The following MMS22L variants were observed in gnomAD, a reference collection of about 807,000 sequenced individuals.
MMS22L encodes the protein MMS22 like, DNA repair protein, also known as protein MMS22-like.
A neutral mutation model predicts 159.1 loss-of-function variants in MMS22L; 74 were observed. The ratio of observed to expected loss-of-function variants is 0.47; its 90% CI spans 0.39 to 0.56. The LOEUF (loss-of-function observed/expected upper bound fraction) is 0.56, where lower values mean the gene tolerates loss of function less well. Ranked by LOEUF, MMS22L falls within the 20% of genes least tolerant of loss-of-function variation. The probability of loss-of-function intolerance (pLI) is 0.00; values close to 1 mark genes in which losing one functional copy is unlikely to be tolerated. For missense variants in MMS22L, 1,351 were observed against 1,422.1 expected (o/e 0.95, Z 0.80); for synonymous variants, 517 against 506.9 (o/e 1.02, Z -0.27).
intron 13 of MMS22L, chr6:97,230,614 A>G (rs1445808558): frequency 6.6e-6 from 1 of 152,098 alleles, no homozygotes; most frequent in Non-Finnish European, 1.5e-5. Context: ...AACTCCAATG[A>G]CTTCTTTTAG....
chr6:97,241,033 C>G (rs1408965451), intron 11 of MMS22L, among the ~76,000 whole-genome samples: 1 of 152,218 alleles, frequency 6.6e-6, no homozygotes, highest in Non-Finnish European at 1.5e-5. Context: ...CATAGCTTAC[C>G]TCCAAGTTAA....
chr6:97,269,750 T>A, intron 7 of MMS22L, 152 bp downstream of exon 7: 2 of 567,862 alleles, frequency 3.5e-6, no homozygotes, highest in South Asian at 5.2e-5. Context: ...AATAGTTATC[T>A]CTGGAAAGAA....
chr6:97,168,220 C>A lies in MMS22L; in HGVS notation c.2860G>T (p.Ala954Ser), dbSNP rs1803175419. The change falls in exon 20 of 25, where the codon GCA becomes TCA. Residue 954 changes from alanine to serine, a missense_variant. Coordinates refer to ENST00000683635, the MANE Select transcript of MMS22L (RefSeq NM_001350599.2). Reference protein sequence around the residue: ...GMMGILVKSWAQIFATSKAQK... With the variant: ...GMMGILVKSWSQIFATSKAQK... ...GCTTTAGAAGTGGCAAAGATTTGTG[C>A]CCATGATTTCACAAGAATTCCTAAC... 1.2e-6 allele frequency: 2 copies of A among 1,612,274 alleles called. No homozygotes were observed. Among genetic ancestry groups the A allele is most frequent in the South Asian group, 1.1e-5 (1 of 90,912 alleles).
intron 4 of MMS22L, among the ~76,000 whole-genome samples, chr6:97,278,417 CA>C (rs529918135): frequency 1.4e-5 from 2 of 140,572 alleles, no homozygotes; most frequent in Admixed American, 7.1e-5. Context: ...AAAAAAAAAG[CA>C]AAAAAAAACC....
chr6:97,173,535 T>C (rs974189443), intron 18 of MMS22L, among the ~76,000 whole-genome samples: 1 of 152,150 alleles, frequency 6.6e-6, no homozygotes, highest in Non-Finnish European at 1.5e-5. Flanking sequence ...ACATACCTTG[T>C]AACTAAATCA....
intron 14 of MMS22L, among the ~76,000 whole-genome samples, chr6:97,217,344 C>A (rs1377036927): frequency 6.6e-6 from 1 of 152,130 alleles, no homozygotes. Flanking sequence ...CTCCCAGGTT[C>A]AAGCGATTCT....
At chr6:97,153,864 C>T (rs1801576570) in intron 22 of MMS22L, among the ~76,000 whole-genome samples, 1 of 152,020 alleles carries the variant, frequency 6.6e-6, no homozygotes. Context: ...TAAATTGATC[C>T]ATCAAACGAT....
chr6:97,193,822 A>G (rs761854051), intron 14 of MMS22L, among the ~76,000 whole-genome samples: 23 of 151,968 alleles, frequency 1.5e-4, no homozygotes, highest in Admixed American at 2.6e-4. Flanking sequence ...GTGCAGTGGC[A>G]AGATCTCGGC....
At chr6:97,148,352 A>C (rs938725918) in intron 24 of MMS22L, among the ~76,000 whole-genome samples, 23 of 152,132 alleles carry the variant, frequency 1.5e-4, no homozygotes, top group Non-Finnish European at 2.8e-4. Flanking sequence ...ATAAAAATAA[A>C]AGTTAACTGT....
chr6:97,196,203 T>C (rs1322105025), intron 14 of MMS22L, among the ~76,000 whole-genome samples: 2 of 152,098 alleles, frequency 1.3e-5, no homozygotes, highest in African/African-American at 4.8e-5. Flanking sequence ...TTTCAAAGAA[T>C]GTACAGTTAA....
At chr6:97,257,663 G>C (rs1368299893) in intron 9 of MMS22L, among the ~76,000 whole-genome samples, 2 of 152,028 alleles carry the variant, frequency 1.3e-5, no homozygotes, top group Non-Finnish European at 2.9e-5. Context: ...CTGGGCTCAA[G>C]CAATCCTCTC....
rs1814709691 is a variant in MMS22L at position 97,263,408 on chromosome 6, C to T, written c.869G>A (p.Cys290Tyr). The T allele has an allele frequency of 6.3e-7, 1 of 1,590,932 alleles. No individual in the cohort carries two copies. Among genetic ancestry groups the T allele is most frequent in the South Asian group, 1.2e-5 (1 of 86,362 alleles). ...AACCCATAATTCTTTAATGCATAAA[C>T]ATGGACACTGGTCACTCATTAATGA... ...SESLMSDQCPCLCIKELWVLL... is the reference protein window; with the variant it reads ...SESLMSDQCPYLCIKELWVLL... The change falls in exon 9 of 25, where the codon TGT becomes TAT. Residue 290 changes from cysteine (C) to tyrosine (Y), a missense_variant. Physicochemically the swap from Cys to Tyr is radical, Grantham distance 194. Coordinates refer to ENST00000683635, the MANE Select transcript of MMS22L (RefSeq NM_001350599.2).
At chr6:97,218,968 A>G (rs6568818) in intron 14 of MMS22L, among the ~76,000 whole-genome samples, 99,287 of 151,974 alleles carry the variant, frequency 0.65, 33,768 homozygotes, top group Non-Finnish European at 0.76. Context: ...CAGCAGGAGG[A>G]AGAGCTGCTA....
chr6:97,265,625 A>AT (rs2128081188), intron 8 of MMS22L: 1 of 152,318 alleles, frequency 6.6e-6, no homozygotes. Context: ...AGGGGTTAGT[A>AT]TTTTAAATAT....
chr6:97,206,925 T>C (rs952555953), intron 14 of MMS22L, among the ~76,000 whole-genome samples: 2 of 152,186 alleles, frequency 1.3e-5, no homozygotes, highest in African/African-American at 4.8e-5. Context: ...ATGTTAACAC[T>C]ACCTTGGAGC....
chr6:97,206,194 G>C (rs1376329371), intron 14 of MMS22L, among the ~76,000 whole-genome samples: 1 of 152,046 alleles, frequency 6.6e-6, no homozygotes, highest in Non-Finnish European at 1.5e-5. Flanking sequence ...TTAACCAGGA[G>C]CACTGCTTAA....
At chr6:97,219,975 A>G (rs1194321612) in intron 14 of MMS22L, among the ~76,000 whole-genome samples, 3 of 152,092 alleles carry the variant, frequency 2.0e-5, no homozygotes, top group Non-Finnish European at 2.9e-5. Context: ...GTCTACTATT[A>G]CCAACACTGA....
intron 22 of MMS22L, 66 bp downstream of exon 22, chr6:97,161,936 A>G: frequency 6.8e-7 from 1 of 1,462,134 alleles, no homozygotes; most frequent in Non-Finnish European, 9.4e-7. Flanking sequence ...CATTAAATTG[A>G]GGGGAAACAG....
intron 20 of MMS22L, among the ~76,000 whole-genome samples, chr6:97,166,866 C>T (rs1392561638): frequency 6.6e-6 from 1 of 152,092 alleles, no homozygotes; most frequent in Non-Finnish European, 1.5e-5. Flanking sequence ...TGTGGTGTGG[C>T]TGCCTCCCCT....
Sources: gnomAD v4.1 joint callset for allele counts (sites outside exome capture counted in the v4.1 genomes callset) on GRCh38, gnomAD v4.1.1 for gene constraint, MANE v1.5 for transcripts, NCBI Gene and HGNC (gene_info 2026-07-23, HGNC 2026-07-21) for gene names.